RAB5C: variants seen among roughly 807,000 people sequenced by gnomAD.
RAB5C encodes the protein ras-related protein Rab-5C.
In RAB5C, 4 loss-of-function variants were observed where a neutral mutation model predicts 25.2. That is an observed-to-expected ratio of 0.16 (90% CI 0.08 to 0.36). The LOEUF (loss-of-function observed/expected upper bound fraction) is 0.36, where lower values mean the gene tolerates loss of function less well. RAB5C is among the 10% of genes least tolerant of loss of function. The pLI is 1.00. For missense variants in RAB5C, 199 were observed against 283.8 expected, an observed-to-expected ratio of 0.70 and a Z score of 2.15; for synonymous variants, 100 against 106.4, an observed-to-expected ratio of 0.94 and a Z score of 0.37.
chr17:42,131,941 G>T, intron 1 of RAB5C: 1 of 210,094 alleles, frequency 4.8e-6, no homozygotes. Context: ...ACTGAACACT[G>T]TTCAGCATTT....
intron 1 of RAB5C, among the ~76,000 whole-genome samples, chr17:42,132,369 C>T (rs2054494584): frequency 6.6e-6 from 1 of 152,172 alleles, no homozygotes; most frequent in Non-Finnish European, 1.5e-5. Context: ...ACCAGAAATA[C>T]CATGTAAATA....
chr17:42,131,417 G>A (rs571130954), intron 1 of RAB5C, among the ~76,000 whole-genome samples: 6 of 148,426 alleles, frequency 4.0e-5, no homozygotes, highest in African/African-American at 9.9e-5. Context: ...CACACACACC[G>A]GAACAAATAC....
At chr17:42,141,655 G>A (rs2079603949) in intron 1 of RAB5C, among the ~76,000 whole-genome samples, 1 of 152,164 alleles carries the variant, frequency 6.6e-6, no homozygotes, top group Non-Finnish European at 1.5e-5. Context: ...GCTGGAGTCA[G>A]ACAACTTGAA....
chr17:42,127,398 A>G (rs766305453), intron 4 of RAB5C, among the ~76,000 whole-genome samples: 1 of 152,228 alleles, frequency 6.6e-6, no homozygotes, highest in Non-Finnish European at 1.5e-5. Context: ...CTTTCTCAAT[A>G]AGTTTAATTA....
At chr17:42,154,686 T>A (rs1032039565) in intron 1 of RAB5C, 6 of 152,230 alleles carry the variant, frequency 3.9e-5, no homozygotes, top group African/African-American at 1.4e-4. Flanking sequence ...TCATAGCGGT[T>A]TCCTTAAGGC....
intron 5 of RAB5C, 95 bp downstream of exon 5, chr17:42,126,659 GA>G (rs751671322): frequency 4.7e-6 from 1 of 212,148 alleles, no homozygotes; most frequent in South Asian, 9.2e-5. Flanking sequence ...AAAAAAAAAA[GA>G]GTGGTGAAGG....
intron 1 of RAB5C, among the ~76,000 whole-genome samples, chr17:42,142,837 C>T (rs1206439018): frequency 6.6e-6 from 1 of 152,178 alleles, no homozygotes; most frequent in Non-Finnish European, 1.5e-5. Context: ...AGCCACAAAC[C>T]GTCCCATGGG....
At chr17:42,135,218 A>G (rs1262502988) in intron 1 of RAB5C, among the ~76,000 whole-genome samples, 2 of 151,318 alleles carry the variant, frequency 1.3e-5, no homozygotes, top group Admixed American at 1.3e-4. Context: ...CTCCTGCCTC[A>G]ACCTCCAAAA....
rs565345641 is a variant in RAB5C, at chr17:42,147,171, A to T, written c.-89+7722T>A. ...GAGAGAGAGAGAGAGAGAGAGAGAG[A>T]AAGAAAGAAAGACCAGCCTCAAGGT... On this transcript the variant is annotated intron_variant, in intron 1 of 5. Coordinates refer to ENST00000346213, the MANE Select transcript of RAB5C (RefSeq NM_004583.4). Among the ~76,000 whole-genome samples the T allele has an allele frequency of 1.4e-4, 21 of 152,014 alleles. No homozygotes were observed. In the South Asian group the frequency reaches 4.4e-3, roughly 32 times the overall value.
chr17:42,138,032 A>G lies in RAB5C; in HGVS notation c.-88-7442T>C, dbSNP rs1405326123. ...AGATTCCCACATATATATTAAGGAT[A>G]TATTTACTGTTTGGGCTTAACTGTG... is the stretch of plus-strand genomic sequence containing the variant. On this transcript the variant is annotated intron_variant, in intron 1 of 5. Coordinates refer to ENST00000346213, the MANE Select transcript of RAB5C (RefSeq NM_004583.4). Among the ~76,000 whole-genome samples the G allele has an allele frequency of 3.3e-5, 5 of 152,236 alleles. 1 individual carries two copies. In the South Asian group the frequency reaches 8.3e-4, roughly 25 times the overall value.
intron 1 of RAB5C, among the ~76,000 whole-genome samples, chr17:42,141,310 G>A (rs150516764): frequency 1.3e-5 from 2 of 152,306 alleles, no homozygotes; most frequent in East Asian, 1.9e-4. Context: ...GGTTGTGAGA[G>A]AGAAAGCAAG....
chr17:42,149,236 G>T (rs1326007623), intron 1 of RAB5C, among the ~76,000 whole-genome samples: 3 of 152,144 alleles, frequency 2.0e-5, no homozygotes, highest in Non-Finnish European at 4.4e-5. Flanking sequence ...CAGGGGAGAG[G>T]AAACTCCCAG....
At chr17:42,141,368 T>C (rs1200765215) in intron 1 of RAB5C, among the ~76,000 whole-genome samples, 1 of 152,160 alleles carries the variant, frequency 6.6e-6, no homozygotes, top group African/African-American at 2.4e-5. Context: ...ATTACAAAAT[T>C]CTCAAAGGCT....
rs1486756460 is a variant in RAB5C at position 42,128,714 on chromosome 17, T to C, written c.253A>G (p.Ser85Gly). Residue 85 changes from serine (S) to glycine (G), a missense_variant, in exon 3 of 6, where the codon AGC becomes GGC. Ser to Gly is a moderately conservative substitution (Grantham distance 56). Transcript: ENST00000346213. ...WDTAGQERYH[S>G]LAPMYYRGAQ... ...CCCCGATAGTACATGGGGGCCAGGC[T>C]GTGATACCGCTCCTGTCCAGCTGTG... 1 of 1,581,280 alleles carries C rather than the reference T, an allele frequency of 6.3e-7. No individual in the cohort carries two copies. The highest frequency in any genetic ancestry group is 2.3e-5 in the East Asian group (1 of 43,214).
At position 42,131,709 on chromosome 17, in the gene RAB5C, G is replaced by A. The variant is rs1017252917; in HGVS notation, c.-88-1119C>T. 9 of 1,175,774 alleles carry A rather than the reference G, an allele frequency of 7.7e-6. 1 individual carries two copies. In the Admixed American group the frequency reaches 1.9e-4, roughly 25 times the overall value. The allele number at this position is 1,175,774 out of a possible 1,614,324, so 72.8% of individuals were successfully genotyped here. A position where few individuals can be genotyped will look rare whatever the true frequency, so the allele number is the denominator to read the frequency against. ...AAGTCCTGCATCCCCAACAGCTGGTGTTCCAGTCCCGACATCTGAATCACT... is the reference window on the plus strand; with the variant it reads ...AAGTCCTGCATCCCCAACAGCTGGTATTCCAGTCCCGACATCTGAATCACT... On this transcript the variant is annotated intron_variant, in intron 1 of 5. Transcript: ENST00000346213.
chr17:42,131,501 CCAAAA>C lies in RAB5C; in HGVS notation c.-88-916_-88-912del, dbSNP rs1400237866. The C allele has an allele frequency of 6.6e-5, 78 of 1,186,158 alleles. 1 individual carries two copies. Among genetic ancestry groups the C allele is most frequent in the Admixed American group, 3.5e-4 (17 of 48,474 alleles). 73.5% of individuals were successfully genotyped at this position (1,186,158 alleles called of 1,614,324 possible). On this transcript the variant is annotated intron_variant, in intron 1 of 5. Transcript: ENST00000346213. The stretch of plus-strand genomic sequence containing the variant: ...ACAGAAATACACACCAAAACAGACA[CCAAAA>C]CAAAACACACACCGAAACAAACACA...
At chr17:42,144,348 T>G (rs1324890517) in intron 1 of RAB5C, among the ~76,000 whole-genome samples, 1 of 151,884 alleles carries the variant, frequency 6.6e-6, no homozygotes, top group Non-Finnish European at 1.5e-5. Flanking sequence ...TCCCAGCTAC[T>G]CGGGAGGCTC....
At position 42,125,470 on chromosome 17, in the gene RAB5C, G is replaced by A. The variant is rs2144055637; in HGVS notation, c.*313C>T. 1 of 306,042 alleles carries A rather than the reference G, an allele frequency of 3.3e-6. No homozygotes were observed. Among genetic ancestry groups the A allele is most frequent in the Non-Finnish European group, 6.2e-6 (1 of 161,138 alleles). 19.0% of individuals were successfully genotyped at this position (306,042 alleles called of 1,614,324 possible). ...TGTCCCCATATACAAGGGTTGGGGGGCAAGAGCATGTGGCTACTCCCAGCA... is the reference window on the plus strand; with the variant it reads ...TGTCCCCATATACAAGGGTTGGGGGACAAGAGCATGTGGCTACTCCCAGCA... On this transcript the variant is annotated 3_prime_UTR_variant, in exon 6 of 6. Transcript: ENST00000346213.
At chr17:42,147,298 C>G (rs1280537694) in intron 1 of RAB5C, among the ~76,000 whole-genome samples, 2 of 152,178 alleles carry the variant, frequency 1.3e-5, no homozygotes, top group Non-Finnish European at 2.9e-5. Flanking sequence ...CTGGTCTGAA[C>G]AGCTGCTGCC....
Sources: gnomAD v4.1 joint callset for allele counts (sites outside exome capture counted in the v4.1 genomes callset) on GRCh38, gnomAD v4.1.1 for gene constraint, MANE v1.5 for transcripts, NCBI Gene and HGNC (gene_info 2026-07-23, HGNC 2026-07-21) for gene names.